BIRC6: variants seen among roughly 807,000 people sequenced by gnomAD.
The protein encoded by BIRC6 is dual E2 ubiquitin-conjugating enzyme/E3 ubiquitin-protein ligase BIRC6.
BIRC6 carries 98 observed loss-of-function variants against 503.3 expected under a neutral mutation model. The ratio of observed to expected loss-of-function variants is 0.19; its 90% CI spans 0.17 to 0.23. The LOEUF is 0.23. Ranked by LOEUF, BIRC6 falls within the 10% of genes least tolerant of loss-of-function variation. BIRC6 has a pLI of 1.00. For missense variants in BIRC6, 5,360 were observed against 5,806.0 expected, an observed-to-expected ratio of 0.92 and a Z score of 2.50; for synonymous variants, 2,240 against 2,078.7, an observed-to-expected ratio of 1.08 and a Z score of -2.11.
rs1303023981 is a variant in BIRC6 at position 32,357,250 on chromosome 2, C to T, written c.89C>T (p.Ala30Val). The T allele has an allele frequency of 6.6e-7, 1 of 1,521,780 alleles. No individual in the cohort carries two copies. The highest frequency in any genetic ancestry group is 8.8e-7 in the Non-Finnish European group (1 of 1,138,224). The allele number at this position is 1,521,780 out of a possible 1,614,324, so 94.3% of individuals were successfully genotyped here. The change falls in exon 1 of 74, where the codon GCG (alanine) becomes GTG (valine). Residue 30 changes from alanine (A) to valine (V), a missense_variant. Ala to Val is a moderately conservative substitution (Grantham distance 64). Around this residue, in one of 16 missense-constraint regions of BIRC6, gnomAD observed 145 missense variants for 106.9 expected, o/e 1.36. Coordinates refer to ENST00000421745, the MANE Select transcript of BIRC6 (RefSeq NM_016252.4). The surrounding 1 kb of genome is among the most constrained non-coding windows in gnomAD (Gnocchi z 4.9). ...VIVLSAGRKM[A>V]AAAAAASGPG... ...GTGCTGAGCGCAGGCCGGAAGATGG[C>T]GGCTGCGGCTGCGGCGGCCTCGGGC...
intron 62 of BIRC6, 67 bp from the exon 63 acceptor site, chr2:32,545,576 C>T (rs1572928449): frequency 7.6e-7 from 1 of 1,307,484 alleles, no homozygotes; most frequent in South Asian, 1.2e-5. Flanking sequence ...ATTTATGACC[C>T]TGTATGTAAC....
chr2:32,445,808 A>G, intron 21 of BIRC6, 140 bp downstream of exon 21: 4 of 551,294 alleles, frequency 7.3e-6, no homozygotes, highest in Non-Finnish European at 2.8e-6. Flanking sequence ...TACTTTTTCC[A>G]TACGATAATA....
chr2:32,464,247 C>T (rs754051632), intron 24 of BIRC6, among the ~76,000 whole-genome samples: 3 of 152,188 alleles, frequency 2.0e-5, no homozygotes, highest in Non-Finnish European at 4.4e-5. Context: ...TCCTTATTTA[C>T]ATTAATTGTT....
At chr2:32,607,396 A>T (rs2062547887) in intron 71 of BIRC6, 59 bp from the exon 72 acceptor site, 1 of 1,187,444 alleles carries the variant, frequency 8.4e-7, no homozygotes, top group African/African-American at 1.5e-5. Flanking sequence ...AAAGCAGGAT[A>T]TCAGTTAACC....
At chr2:32,587,681 G>A (rs898475284) in intron 66 of BIRC6, among the ~76,000 whole-genome samples, 3 of 152,122 alleles carry the variant, frequency 2.0e-5, no homozygotes, top group South Asian at 2.1e-4. Context: ...CCGAGATCAC[G>A]CCACTGCACT....
chr2:32,401,871 C>G (rs574116176), intron 8 of BIRC6, among the ~76,000 whole-genome samples: 1 of 152,290 alleles, frequency 6.6e-6, no homozygotes, highest in Non-Finnish European at 1.5e-5. Flanking sequence ...ATAATTGCCA[C>G]ATTGAACAAT....
chr2:32,364,292 G>T (rs527333802), intron 1 of BIRC6, among the ~76,000 whole-genome samples: 2 of 152,150 alleles, frequency 1.3e-5, no homozygotes, highest in South Asian at 4.2e-4. Context: ...GTCTTGCTCT[G>T]TTGCCTAGGC....
chr2:32,365,768 A>C (rs1038080474), intron 1 of BIRC6, among the ~76,000 whole-genome samples: 1 of 152,130 alleles, frequency 6.6e-6, no homozygotes, highest in African/African-American at 2.4e-5. Context: ...TAAAAAAATT[A>C]GGGCCCTATT....
chr2:32,537,865 C>G (rs992396249), intron 61 of BIRC6, among the ~76,000 whole-genome samples: 2 of 151,806 alleles, frequency 1.3e-5, no homozygotes, highest in African/African-American at 4.8e-5. Flanking sequence ...ACTCTGGAGG[C>G]TGAGGCAGGA....
intron 61 of BIRC6, among the ~76,000 whole-genome samples, chr2:32,535,535 A>G (rs1378272165): frequency 1.3e-5 from 2 of 152,100 alleles, no homozygotes; most frequent in South Asian, 2.1e-4. Context: ...ATTCCCACCT[A>G]TGAGTGAGAA....
At chr2:32,592,418 C>G (rs889008669) in intron 66 of BIRC6, among the ~76,000 whole-genome samples, 1 of 152,118 alleles carries the variant, frequency 6.6e-6, no homozygotes, top group East Asian at 1.9e-4. Context: ...GAACCAAATT[C>G]AAAACACATG....
At position 32,518,337 on chromosome 2, in the gene BIRC6, A is replaced by G. The variant is rs541411075; in HGVS notation, c.11433A>G (p.Leu3811=). 12 of 1,609,346 alleles carry G rather than the reference A, an allele frequency of 7.5e-6. No individual in the cohort carries two copies. The highest frequency in any genetic ancestry group is 9.3e-6 in the Non-Finnish European group (11 of 1,178,860). ...SGNISGFIRR[L]FLQLMLEDEK... Reference sequence around the variant, plus strand: ...ACATTTCAGGGTTTATACGAAGATTATTTTTACAGTTGATGCTGGAAGATG... The same window carrying G: ...ACATTTCAGGGTTTATACGAAGATTGTTTTTACAGTTGATGCTGGAAGATG... The change falls in exon 56 of 74, where the codon TTA becomes TTG. Residue 3811 remains leucine, a synonymous_variant. Transcript: ENST00000421745.
intron 66 of BIRC6, among the ~76,000 whole-genome samples, chr2:32,593,182 A>G (rs1030233326): frequency 1.3e-5 from 2 of 152,228 alleles, no homozygotes; most frequent in Non-Finnish European, 2.9e-5. Flanking sequence ...TGTGATGTCA[A>G]TAATGTGCTG....
rs958111455 is a variant in BIRC6 at position 32,446,756 on chromosome 2, T to G, written c.4484+1088T>G. Among the ~76,000 whole-genome samples the G allele has an allele frequency of 7.5e-4, 104 of 138,128 alleles. 1 individual carries two copies. Among genetic ancestry groups the G allele is most frequent in the African/African-American group, 2.6e-3 (96 of 37,000 alleles). 90.6% of individuals were successfully genotyped at this position (138,128 alleles called of 152,430 possible). Reference sequence around the variant, plus strand: ...CTGCGCTGTTTTTTTTTTTTTTTTTTTTTTTTTTTTTTTTTATTGATCATT... The same window carrying G: ...CTGCGCTGTTTTTTTTTTTTTTTTTGTTTTTTTTTTTTTTTATTGATCATT... On this transcript the variant is annotated intron_variant, in intron 21 of 73. Transcript: ENST00000421745.
chr2:32,489,917 A>T, intron 42 of BIRC6, 124 bp from the exon 43 acceptor site: 1 of 642,268 alleles, frequency 1.6e-6, no homozygotes, highest in Non-Finnish European at 2.8e-6. Context: ...GCATGTTTTG[A>T]AGACACTGGT....
At chr2:32,524,021 G>A (rs1182046861) in intron 57 of BIRC6, among the ~76,000 whole-genome samples, 1 of 150,032 alleles carries the variant, frequency 6.7e-6, no homozygotes, top group Non-Finnish European at 1.5e-5. Context: ...TCCAGCCTGG[G>A]CAACACAGCG....
Position 32,415,116 on chromosome 2 carries a change from G to T in BIRC6, c.1825G>T (p.Asp609Tyr). The change falls in exon 10 of 74, where the codon GAC becomes TAC. Residue 609 changes from aspartate (D) to tyrosine (Y), a missense_variant. Physicochemically the swap from Asp to Tyr is radical, Grantham distance 160. Around this residue, in one of 16 missense-constraint regions of BIRC6, gnomAD observed 700 missense variants for 739.3 expected, o/e 0.95. Coordinates refer to ENST00000421745, the MANE Select transcript of BIRC6 (RefSeq NM_016252.4). Reference protein sequence around the residue: ...GESISEQGSTDNESCTNSELN... With the variant: ...GESISEQGSTYNESCTNSELN... ...AAGTATATCAGAACAAGGGTCAACT[G>T]ACAATGAATCCTGCACTAATTCAGA... The T allele has an allele frequency of 1.2e-6, 2 of 1,613,866 alleles. No homozygotes were observed. Among genetic ancestry groups the T allele is most frequent in the South Asian group, 2.2e-5 (2 of 91,016 alleles).
chr2:32,490,239 T>C, intron 43 of BIRC6, 88 bp downstream of exon 43: 1 of 1,165,934 alleles, frequency 8.6e-7, no homozygotes, highest in African/African-American at 1.5e-5. Context: ...TTCCAAGGAG[T>C]GGTATACTTG....
rs752404027 is a variant in BIRC6, at chr2:32,504,979, T to C, written c.9500-26T>C. ...ATTATGTTTCTTTTGCAAGTTCTTA[T>C]AATTTATGTAAAATATCTTCTCTAG... On this transcript the variant is annotated intron_variant, in intron 49 of 73. Coordinates refer to ENST00000421745, the MANE Select transcript of BIRC6 (RefSeq NM_016252.4). 67 of 1,575,388 alleles carry C rather than the reference T, an allele frequency of 4.3e-5. 2 individuals are homozygous for C. The South Asian group carries it at 6.0e-4, about 14-fold the overall frequency.
Sources: allele counts gnomAD v4.1 joint callset (sites outside exome capture counted in the v4.1 genomes callset), GRCh38; gene constraint gnomAD v4.1.1; regional missense constraint gnomAD v4.1.1; non-coding constraint Gnocchi (gnomAD v3.1); transcripts MANE v1.5; gene names NCBI Gene and HGNC (gene_info 2026-07-23, HGNC 2026-07-21).